The following LYVE1 variants were observed in gnomAD, a reference collection of about 807,000 sequenced individuals.
The protein encoded by LYVE1 is lymphatic vessel endothelial hyaluronan receptor 1.
In LYVE1, 29 loss-of-function variants were observed where a neutral mutation model predicts 31.5. The observed-to-expected ratio is 0.92, with a 90% confidence interval of 0.69 to 1.26. LYVE1 has a LOEUF of 1.26. Among genes scored for constraint, LYVE1 ranks in the 50% most tolerant of loss-of-function variants. LYVE1 has a pLI of 0.00. For synonymous variants in LYVE1, 134 were observed against 139.4 expected (o/e 0.96, Z 0.27); for missense variants, 376 against 380.2 (o/e 0.99, Z 0.09).
Position 10,560,795 on chromosome 11 carries a change from A to G in LYVE1, c.403T>C (p.Trp135Arg). 2 of 1,608,520 alleles carry G rather than the reference A, an allele frequency of 1.2e-6. No homozygotes were observed. The highest frequency in any genetic ancestry group is 2.7e-5 in the African/African-American group (2 of 74,906). The change falls in exon 4 of 6, where the codon TGG becomes CGG. Residue 135 changes from tryptophan to arginine, a missense_variant. Transcript: ENST00000256178. The part of the protein sequence containing the change: ...AAYCYNSSDT[W>R]TNSCIPEIIT... ...ATTTCTGGAATGCACGAGTTAGTCC[A>G]AGTATCTGTTGGGATAGGGAAACAT...
intron 3 of LYVE1, 128 bp from the exon 4 acceptor site, chr11:10,560,928 AC>A: frequency 1.4e-6 from 1 of 720,900 alleles, no homozygotes; most frequent in Non-Finnish European, 2.3e-6. Flanking sequence ...AGCAAATCTA[AC>A]CATATCACTT....
chr11:10,561,470 T>C (rs1850423398), intron 3 of LYVE1, among the ~76,000 whole-genome samples: 1 of 152,126 alleles, frequency 6.6e-6, no homozygotes, highest in African/African-American at 2.4e-5. Context: ...GACAAAGATA[T>C]GCTAAGACCT....
At position 10,564,341 on chromosome 11, in the gene LYVE1, C is replaced by A; in HGVS notation, c.119G>T (p.Gly40Val). 6.2e-7 allele frequency: 1 copy of A among 1,614,034 alleles called. No homozygotes were observed. The stretch of plus-strand genomic sequence containing the variant: ...CGCCTTTTTGCTCACAAGGGTGATC[C>A]CCATAATTCTGCATGACACCTGGAT... ...LSIQVSCRIM[G>V]ITLVSKKANQ... The change falls in exon 2 of 6, where the codon GGG becomes GTG. Residue 40 changes from glycine (G) to valine (V), a missense_variant. Transcript: ENST00000256178.
rs371265328 is a variant in LYVE1, at chr11:10,568,568, G to C, written c.-36C>G. The C allele has an allele frequency of 6.2e-7, 1 of 1,605,674 alleles. No homozygotes were observed. Among genetic ancestry groups the C allele is most frequent in the African/African-American group, 1.3e-5 (1 of 74,664 alleles). ...CCTTCAGAGCCAGGGAAACACCTCA[G>C]ATGGCCACTGGTGATATGAGAGGCA... On this transcript the variant is annotated 5_prime_UTR_variant, in exon 1 of 6. The change creates a new upstream start codon in the 5' untranslated region. Coordinates refer to ENST00000256178, the MANE Select transcript of LYVE1 (RefSeq NM_006691.4).
Position 10,564,202 on chromosome 11 carries a change from C to T in LYVE1, c.257+1G>A. 3 of 1,613,908 alleles carry T rather than the reference C, an allele frequency of 1.9e-6. No individual in the cohort carries two copies. The highest frequency in any genetic ancestry group is 2.5e-6 in the Non-Finnish European group (3 of 1,179,758). On this transcript the variant is annotated splice_donor_variant, in intron 2 of 5. Coordinates refer to ENST00000256178, the MANE Select transcript of LYVE1 (RefSeq NM_006691.4). LOFTEE classifies it high-confidence loss of function. ...TGACAGTGAAACCAGCTTTTTCTCACCTGCAAGTTTCAAAGCTAGCTTTCA... is the reference window on the plus strand; with the variant it reads ...TGACAGTGAAACCAGCTTTTTCTCATCTGCAAGTTTCAAAGCTAGCTTTCA...
chr11:10,559,153 A>G lies in LYVE1; in HGVS notation c.927T>C (p.Ser309=), dbSNP rs1293643012. The change falls in exon 6 of 6, where the codon AGT becomes AGC. Residue 309 remains serine, a synonymous_variant. Transcript: ENST00000256178. ...KTDKNPEESK[S]PSKTTVRCLE... is the part of the protein sequence containing the mutation. The stretch of plus-strand genomic sequence containing the variant: ...GGCATCGCACGGTAGTTTTGCTTGG[A>G]CTCTTGGACTCTTCTGGGTTTTTAT... The G allele has an allele frequency of 3.1e-6, 5 of 1,612,996 alleles. No homozygotes were observed. Among genetic ancestry groups the G allele is most frequent in the Non-Finnish European group, 4.2e-6 (5 of 1,179,652 alleles).
intron 5 of LYVE1, among the ~76,000 whole-genome samples, chr11:10,559,575 T>C (rs768213367): frequency 1.8e-4 from 27 of 152,122 alleles, no homozygotes; most frequent in Non-Finnish European, 2.8e-4. Flanking sequence ...TTTCCCCAGA[T>C]GTCAATTTTT....
chr11:10,560,780 T>G lies in LYVE1; in HGVS notation c.418A>C (p.Ile140Leu), dbSNP rs1301716861. ...TCTTTGGTGGTGATAATTTCTGGAA[T>G]GCACGAGTTAGTCCAAGTATCTGTT... ...NSSDTWTNSC[I>L]PEIITTKDPI... The change falls in exon 4 of 6, where the codon ATT (isoleucine) becomes CTT (leucine). Residue 140 changes from isoleucine to leucine, a missense_variant. Ile to Leu is a conservative substitution (Grantham distance 5). Transcript: ENST00000256178. 3.1e-6 allele frequency: 5 copies of G among 1,611,796 alleles called. No homozygotes were observed. The East Asian group carries it at 8.9e-5, about 29-fold the overall frequency.
In LYVE1 at chr11:10,560,689, G is replaced by A. The variant is rs188696058; in HGVS notation, c.509C>T (p.Ser170Leu). Residue 170 changes from serine (S) to leucine (L), a missense_variant, in exon 4 of 6, where the codon TCG becomes TTG. Coordinates refer to ENST00000256178, the MANE Select transcript of LYVE1 (RefSeq NM_006691.4). Reference protein sequence around the residue: ...TEFIVSDSTYSVASPYSTIPA... With the variant: ...TEFIVSDSTYLVASPYSTIPA... The stretch of plus-strand genomic sequence containing the variant: ...TATTGTAGAGTAAGGGGATGCCACC[G>A]AGTAGGTACTGTCACTGACAATAAA... 5.0e-6 allele frequency: 8 copies of A among 1,613,894 alleles called. No individual in the cohort carries two copies. The highest frequency in any genetic ancestry group is 5.9e-6 in the Non-Finnish European group (7 of 1,179,794).
intron 1 of LYVE1, among the ~76,000 whole-genome samples, chr11:10,565,669 CCTT>C (rs1336001891): frequency 1.3e-5 from 2 of 152,080 alleles, no homozygotes; most frequent in Non-Finnish European, 2.9e-5. Context: ...CCTCTTTTTT[CCTT>C]CTTCTTTCCC....
At position 10,559,168 on chromosome 11, in the gene LYVE1, TG is replaced by T; in HGVS notation, c.911del (p.Pro304GlnfsTer21). On this transcript the variant is annotated frameshift_variant, in exon 6 of 6. Coordinates refer to ENST00000256178, the MANE Select transcript of LYVE1 (RefSeq NM_006691.4). LOFTEE classifies it high-confidence loss of function. ...NEESKKTDKN[P>X]EESKSPSKTT... ...TTTTGCTTGGACTCTTGGACTCTTC[TG>T]GGTTTTTATCAGTTTTCTTTGATTC... is the stretch of plus-strand genomic sequence containing the variant. The T allele has an allele frequency of 6.2e-7, 1 of 1,614,214 alleles. No homozygotes were observed. The highest frequency in any genetic ancestry group is 8.5e-7 in the Non-Finnish European group (1 of 1,180,018).
intron 1 of LYVE1, among the ~76,000 whole-genome samples, chr11:10,566,333 C>T (rs1850541945): frequency 6.6e-6 from 1 of 152,094 alleles, no homozygotes; most frequent in Non-Finnish European, 1.5e-5. Context: ...TGGTCTCAAA[C>T]TCCTGACCTC....
intron 1 of LYVE1, among the ~76,000 whole-genome samples, chr11:10,568,160 C>T (rs1370894178): frequency 6.6e-6 from 1 of 152,120 alleles, no homozygotes; most frequent in Non-Finnish European, 1.5e-5. Flanking sequence ...ACCACCCATA[C>T]AAAAAAGAGT....
intron 5 of LYVE1, 36 bp downstream of exon 5, chr11:10,559,780 A>G (rs1447554261): frequency 6.3e-7 from 1 of 1,587,794 alleles, no homozygotes; most frequent in Non-Finnish European, 8.6e-7. Context: ...AAACATGACA[A>G]AGATTACAAG....
chr11:10,559,255 C>T lies in LYVE1; in HGVS notation c.825G>A (p.Lys275=). The part of the protein sequence containing the change: ...AFPFTNKNQQ[K]EMIETKVVKE... ...TTACTACTTTGGTTTCGATCATTTC[C>T]TTCTGCTGATTCTTGTTTGTAAAAG... The change falls in exon 6 of 6, where the codon AAG becomes AAA. Residue 275 remains lysine, a synonymous_variant. Coordinates refer to ENST00000256178, the MANE Select transcript of LYVE1 (RefSeq NM_006691.4). 1.2e-6 allele frequency: 2 copies of T among 1,614,114 alleles called. No homozygotes were observed. The highest frequency in any genetic ancestry group is 2.2e-5 in the East Asian group (1 of 44,880).
Position 10,558,360 on chromosome 11 carries a change from T to C in LYVE1, c.*751A>G, listed in dbSNP as rs1850352397. ...TTATAAGAGTTTTTATTTTTGTTAC[T>C]TGTAAAAGTATATTTCCTAGAGAAA... On this transcript the variant is annotated 3_prime_UTR_variant, in exon 6 of 6. Coordinates refer to ENST00000256178, the MANE Select transcript of LYVE1 (RefSeq NM_006691.4). 6.6e-6 allele frequency: 1 copy of C among 152,226 alleles called. No individual in the cohort carries two copies. Among genetic ancestry groups the C allele is most frequent in the South Asian group, 2.1e-4 (1 of 4,824 alleles). The allele number at this position is 152,226 out of a possible 1,614,324, so 9.4% of individuals were successfully genotyped here.
intron 5 of LYVE1, among the ~76,000 whole-genome samples, chr11:10,559,519 C>T (rs1425389302): frequency 6.6e-6 from 1 of 152,178 alleles, no homozygotes; most frequent in Non-Finnish European, 1.5e-5. Flanking sequence ...CCACATAACT[C>T]TTCCAACAAA....
chr11:10,559,046 G>C lies in LYVE1; in HGVS notation c.*65C>G. The C allele has an allele frequency of 1.4e-6, 2 of 1,465,260 alleles. No homozygotes were observed. The highest frequency in any genetic ancestry group is 2.6e-5 in the South Asian group (2 of 78,376). 90.8% of individuals were successfully genotyped at this position (1,465,260 alleles called of 1,614,324 possible). A position where few individuals can be genotyped will look rare whatever the true frequency, so the allele number is the denominator to read the frequency against. Reference sequence around the variant, plus strand: ...TTCTTTGGCCCTTTTGATTTCCCCAGCTGGGGCAGGGTAAGGAGCATGAAA... The same window carrying C: ...TTCTTTGGCCCTTTTGATTTCCCCACCTGGGGCAGGGTAAGGAGCATGAAA... On this transcript the variant is annotated 3_prime_UTR_variant, in exon 6 of 6. Coordinates refer to ENST00000256178, the MANE Select transcript of LYVE1 (RefSeq NM_006691.4).
chr11:10,564,001 A>G lies in LYVE1; in HGVS notation c.336T>C (p.Gly112=). 1 of 1,614,104 alleles carries G rather than the reference A, an allele frequency of 6.2e-7. No homozygotes were observed. Among genetic ancestry groups the G allele is most frequent in the Non-Finnish European group, 8.5e-7 (1 of 1,180,032 alleles). The change falls in exon 3 of 6, where the codon GGT becomes GGC. Residue 112 remains glycine, a synonymous_variant. Transcript: ENST00000256178. ...TCACTGGAACCTTCCAAATCAGGAC[A>G]CCCACCCCATTTTTCCCACACTTGG... ...PNPKCGKNGV[G]VLIWKVPVSR...
Sources: allele counts gnomAD v4.1 joint callset (sites outside exome capture counted in the v4.1 genomes callset), GRCh38; gene constraint gnomAD v4.1.1; transcripts MANE v1.5; gene names NCBI Gene and HGNC (gene_info 2026-07-23, HGNC 2026-07-21).